The following AUTS2 variants were observed in gnomAD, a reference collection of about 807,000 sequenced individuals.
The protein encoded by AUTS2 is activator of transcription and developmental regulator AUTS2.
Under a neutral mutation model 112.4 loss-of-function variants are expected in AUTS2, and 17 were observed. The observed-to-expected ratio is 0.15, with a 90% CI of 0.10 to 0.23. The LOEUF (loss-of-function observed/expected upper bound fraction) is 0.23. Among genes scored for constraint, AUTS2 ranks in the 10% least tolerant of loss-of-function variants. The pLI is 1.00. For synonymous variants in AUTS2, 751 were observed against 702.7 expected (o/e 1.07, Z -1.09); for missense variants, 1,510 against 1,701.6 (o/e 0.89, Z 1.98).
chr7:70,351,199 C>T (rs558469949), intron 4 of AUTS2, among the ~76,000 whole-genome samples: 13 of 151,790 alleles, frequency 8.6e-5, no homozygotes, highest in African/African-American at 1.5e-4. Context: ...TACAGGCGTG[C>T]GCCAATACGC....
chr7:70,715,211 A>G (rs543023829), intron 6 of AUTS2, among the ~76,000 whole-genome samples: 2 of 152,340 alleles, frequency 1.3e-5, no homozygotes, highest in South Asian at 2.1e-4. Context: ...GAGTTTATTA[A>G]TAAGTCTGAA....
Position 70,173,949 on chromosome 7 carries a change from A to G in AUTS2, c.660+39378A>G, listed in dbSNP as rs142033854. Among the ~76,000 whole-genome samples, 51 of 152,202 alleles carry G rather than the reference A, an allele frequency of 3.4e-4. 1 individual carries two copies. The South Asian group carries it at 6.2e-3, about 19-fold the overall frequency. Reference sequence around the variant, plus strand: ...AAATTAGGTCAGTTAATAACACTACACTGGACTCTAAGTGTTTGAGTGAAA... The same window carrying G: ...AAATTAGGTCAGTTAATAACACTACGCTGGACTCTAAGTGTTTGAGTGAAA... On this transcript the variant is annotated intron_variant, in intron 4 of 18. Transcript: ENST00000342771.
intron 5 of AUTS2, among the ~76,000 whole-genome samples, chr7:70,555,103 T>G (rs1801192686): frequency 6.6e-6 from 1 of 152,228 alleles, no homozygotes; most frequent in South Asian, 2.1e-4. Flanking sequence ...AAATGTCATT[T>G]ACTATGAAAG....
At chr7:69,818,059 C>T (rs894828137) in intron 1 of AUTS2, among the ~76,000 whole-genome samples, 1 of 151,960 alleles carries the variant, frequency 6.6e-6, no homozygotes, top group African/African-American at 2.4e-5. Flanking sequence ...TTGAGTTGGC[C>T]CATGATTATT....
intron 4 of AUTS2, among the ~76,000 whole-genome samples, chr7:70,333,570 A>G (rs952228108): frequency 5.3e-5 from 8 of 152,216 alleles, no homozygotes; most frequent in African/African-American, 9.6e-5. Flanking sequence ...ATGCCCATCA[A>G]TGCTAGACTG....
intron 1 of AUTS2, among the ~76,000 whole-genome samples, chr7:69,838,288 A>T (rs1312252318): frequency 6.7e-6 from 1 of 150,304 alleles, no homozygotes; most frequent in East Asian, 2.0e-4. Flanking sequence ...ATAAAGAATC[A>T]GGCCTAAAGC....
At chr7:69,676,327 C>T (rs1257708848) in intron 1 of AUTS2, among the ~76,000 whole-genome samples, 2 of 152,336 alleles carry the variant, frequency 1.3e-5, no homozygotes, top group Admixed American at 6.5e-5. Flanking sequence ...ATGTTAGCAT[C>T]TCTGAACAAA....
At chr7:70,266,855 C>G (rs1393984419) in intron 4 of AUTS2, among the ~76,000 whole-genome samples, 3 of 152,090 alleles carry the variant, frequency 2.0e-5, no homozygotes, top group African/African-American at 7.2e-5. Flanking sequence ...TTTCCTTTGA[C>G]TTAACGAGAG....
chr7:70,460,790 G>T (rs906770517), intron 5 of AUTS2, among the ~76,000 whole-genome samples: 9 of 152,288 alleles, frequency 5.9e-5, no homozygotes, highest in Non-Finnish European at 1.2e-4. Context: ...ATCACTGGAA[G>T]TGTTCTCAAC....
intron 4 of AUTS2, among the ~76,000 whole-genome samples, chr7:70,413,388 A>C (rs1310450265): frequency 1.3e-5 from 2 of 152,186 alleles, no homozygotes; most frequent in African/African-American, 4.8e-5. Flanking sequence ...TGGTCTGAGC[A>C]ATCCAGCCTG....
chr7:70,430,852 T>C (rs1429148515), intron 4 of AUTS2, among the ~76,000 whole-genome samples: 2 of 147,150 alleles, frequency 1.4e-5, no homozygotes, highest in Non-Finnish European at 3.0e-5. Context: ...TTTTTTTTTT[T>C]TGAGACGGAG....
At chr7:70,487,233 C>A (rs535166544) in intron 5 of AUTS2, among the ~76,000 whole-genome samples, 3 of 149,098 alleles carry the variant, frequency 2.0e-5, no homozygotes, top group Non-Finnish European at 4.5e-5. Context: ...TCCCCCGCGC[C>A]CCCCTCCCAG....
At chr7:70,049,447 A>C (rs1475568107) in intron 2 of AUTS2, among the ~76,000 whole-genome samples, 1 of 151,760 alleles carries the variant, frequency 6.6e-6, no homozygotes, top group Non-Finnish European at 1.5e-5. Flanking sequence ...CTCCTGCCTC[A>C]GCTTCCTAAG....
At chr7:69,747,595 G>T (rs1787547215) in intron 1 of AUTS2, among the ~76,000 whole-genome samples, 1 of 152,174 alleles carries the variant, frequency 6.6e-6, no homozygotes, top group South Asian at 2.1e-4. Context: ...GCTTATTCAT[G>T]ATCACGCAAC....
chr7:70,764,263 T>G (rs1789763314), intron 7 of AUTS2, among the ~76,000 whole-genome samples: 1 of 151,790 alleles, frequency 6.6e-6, no homozygotes, highest in African/African-American at 2.4e-5. Flanking sequence ...CTCCAGACCA[T>G]AAAGTGATGT....
intron 5 of AUTS2, among the ~76,000 whole-genome samples, chr7:70,572,178 C>T (rs1801970692): frequency 6.6e-6 from 1 of 152,072 alleles, no homozygotes; most frequent in Admixed American, 6.5e-5. Context: ...GCTAGCAGAC[C>T]CACGTGACAC....
chr7:70,508,012 G>C (rs1033384634), intron 5 of AUTS2, among the ~76,000 whole-genome samples: 1 of 152,198 alleles, frequency 6.6e-6, no homozygotes, highest in African/African-American at 2.4e-5. Context: ...ACAAGCAGTA[G>C]ATTGTTAGTG....
intron 2 of AUTS2, among the ~76,000 whole-genome samples, chr7:70,111,978 C>A (rs1442574709): frequency 2.0e-5 from 3 of 151,684 alleles, no homozygotes; most frequent in Non-Finnish European, 2.9e-5. Context: ...TAATGATGTT[C>A]TTCTCATTTT....
intron 1 of AUTS2, among the ~76,000 whole-genome samples, chr7:69,860,507 A>G (rs1356146473): frequency 1.3e-5 from 2 of 151,772 alleles, no homozygotes; most frequent in Non-Finnish European, 2.9e-5. Flanking sequence ...AACATCCCCC[A>G]CACCCCTGCA....
Sources: gnomAD v4.1 joint callset for allele counts (sites outside exome capture counted in the v4.1 genomes callset) on GRCh38, gnomAD v4.1.1 for gene constraint, MANE v1.5 for transcripts, NCBI Gene and HGNC (gene_info 2026-07-23, HGNC 2026-07-21) for gene names.